The following CNTRL variants were observed in gnomAD, a reference collection of about 807,000 sequenced individuals.
The protein encoded by CNTRL is 110 kDa centrosomal protein.
In CNTRL, 233 loss-of-function variants were observed where a neutral mutation model predicts 303.7. That is an observed-to-expected ratio of 0.77 (90% CI 0.69 to 0.86). The LOEUF (loss-of-function observed/expected upper bound fraction) is 0.86, where lower values mean the gene tolerates loss of function less well. CNTRL is among the 40% of genes least tolerant of loss of function. The pLI is 0.00. For synonymous variants in CNTRL, 900 were observed against 922.2 expected, an observed-to-expected ratio of 0.98 and a Z score of 0.44; for missense variants, 2,524 against 2,650.6, an observed-to-expected ratio of 0.95 and a Z score of 1.05.
rs975885716 is a variant in CNTRL at position 121,142,274 on chromosome 9, G to C, written c.2871+4G>C. 6 of 1,591,204 alleles carry C rather than the reference G, an allele frequency of 3.8e-6. No homozygotes were observed. The African/African-American group carries it at 6.8e-5, about 18-fold the overall frequency. Reference sequence around the variant, plus strand: ...ACTCCGAGAGTTAGAGAAAAAGGTAGGGGAGACTTAGAAAATGAGACACAT... The same window carrying C: ...ACTCCGAGAGTTAGAGAAAAAGGTACGGGAGACTTAGAAAATGAGACACAT... On this transcript the variant is annotated splice_donor_region_variant and intron_variant, in intron 19 of 43. Transcript: ENST00000373855.
At chr9:121,134,229 C>T (rs1344305572) in intron 14 of CNTRL, among the ~76,000 whole-genome samples, 6 of 151,904 alleles carry the variant, frequency 3.9e-5, no homozygotes, top group South Asian at 4.1e-4. Flanking sequence ...TGCATCACTA[C>T]GATATCATTA....
chr9:121,135,606 A>G (rs1436257306), intron 14 of CNTRL, among the ~76,000 whole-genome samples, 200 bp from the exon 15 acceptor site: 1 of 152,142 alleles, frequency 6.6e-6, no homozygotes, highest in Non-Finnish European at 1.5e-5. Flanking sequence ...GACTTTCTTG[A>G]TTACATTTAG....
chr9:121,082,711 C>T (rs2048186868), intron 2 of CNTRL, among the ~76,000 whole-genome samples: 1 of 152,152 alleles, frequency 6.6e-6, no homozygotes, highest in South Asian at 2.1e-4. Context: ...GTGGCTCACA[C>T]TTGTAATCCC....
intron 1 of CNTRL, among the ~76,000 whole-genome samples, chr9:121,079,059 CCT>C (rs1384803317): frequency 6.6e-6 from 1 of 152,148 alleles, no homozygotes; most frequent in African/African-American, 2.4e-5. Context: ...CAGCCACGAT[CCT>C]GAAGCTGCCT....
At chr9:121,134,497 A>G (rs2051068987) in intron 14 of CNTRL, among the ~76,000 whole-genome samples, 1 of 152,048 alleles carries the variant, frequency 6.6e-6, no homozygotes, top group African/African-American at 2.4e-5. Flanking sequence ...AGGTTTCACC[A>G]TGTTGGCCAG....
intron 32 of CNTRL, among the ~76,000 whole-genome samples, chr9:121,160,903 C>T (rs1017921285): frequency 1.3e-5 from 2 of 152,158 alleles, no homozygotes; most frequent in Admixed American, 1.3e-4. Flanking sequence ...CCCTTGAGCT[C>T]AGGAGATCAA....
At chr9:121,103,208 C>A (rs548076565) in intron 7 of CNTRL, among the ~76,000 whole-genome samples, 1 of 152,082 alleles carries the variant, frequency 6.6e-6, no homozygotes, top group African/African-American at 2.4e-5. Context: ...GAGATATAGA[C>A]CAATGGAACA....
intron 40 of CNTRL, 57 bp downstream of exon 40, chr9:121,171,605 A>G (rs768970229): frequency 6.4e-7 from 1 of 1,554,216 alleles, no homozygotes; most frequent in Non-Finnish European, 8.7e-7. Flanking sequence ...CACTGGGCTC[A>G]GGCAGATTGT....
intron 1 of CNTRL, 45 bp downstream of exon 1, chr9:121,075,112 G>A (rs904681251): frequency 1.7e-5 from 6 of 362,304 alleles, no homozygotes; most frequent in South Asian, 8.1e-5. Context: ...CATCCGGCCC[G>A]AGCAGTGGGG....
chr9:121,145,506 T>C (rs2051795081), intron 22 of CNTRL, 121 bp downstream of exon 22: 1 of 951,096 alleles, frequency 1.1e-6, no homozygotes. Context: ...AGAGCTGTGG[T>C]AATTAGCTTA....
At position 121,125,933 on chromosome 9, in the gene CNTRL, G is replaced by A. The variant is rs2050496182; in HGVS notation, c.2022G>A (p.Arg674=). 4 of 1,613,492 alleles carry A rather than the reference G, an allele frequency of 2.5e-6. No homozygotes were observed. In the African/African-American group the frequency reaches 5.3e-5, roughly 22 times the overall value. ...TTGCCATGGATGCAGAAAATATGAG[G>A]AAGGTATGATTTTTTTCCTGCCTAT... is the stretch of plus-strand genomic sequence containing the variant. ...EIVAMDAENM[R]KELAELESAL... is the part of the protein sequence containing the mutation. The change falls in exon 14 of 44, where the codon AGG becomes AGA. Residue 674 remains arginine (R), a synonymous_variant. Coordinates refer to ENST00000373855, the MANE Select transcript of CNTRL (RefSeq NM_007018.6).
At chr9:121,119,166 A>G (rs2050113821) in intron 12 of CNTRL, among the ~76,000 whole-genome samples, 1 of 151,944 alleles carries the variant, frequency 6.6e-6, no homozygotes, top group Admixed American at 6.6e-5. Context: ...GGCTTGAAGA[A>G]GGTAGCTTTC....
intron 8 of CNTRL, among the ~76,000 whole-genome samples, chr9:121,111,956 C>T (rs962759668): frequency 6.6e-6 from 1 of 152,136 alleles, no homozygotes; most frequent in Non-Finnish European, 1.5e-5. Context: ...AATACTACAG[C>T]AACAACAGTA....
intron 7 of CNTRL, among the ~76,000 whole-genome samples, 159 bp downstream of exon 7, chr9:121,098,731 G>A (rs2048996591): frequency 6.6e-6 from 1 of 152,112 alleles, no homozygotes; most frequent in South Asian, 2.1e-4. Context: ...AGTGTGTACT[G>A]TGCACCAGGC....
chr9:121,083,447 G>A (rs921595783), intron 2 of CNTRL, among the ~76,000 whole-genome samples: 7 of 152,124 alleles, frequency 4.6e-5, no homozygotes, highest in African/African-American at 1.7e-4. Context: ...GCCTGTAAGG[G>A]TCAGGATCAT....
intron 2 of CNTRL, among the ~76,000 whole-genome samples, chr9:121,083,577 AC>A: frequency 6.6e-6 from 1 of 152,198 alleles, no homozygotes; most frequent in Non-Finnish European, 1.5e-5. Flanking sequence ...TGAAGGACCT[AC>A]CTGCCTGAGT....
chr9:121,117,582 A>G (rs2050035472), intron 11 of CNTRL, among the ~76,000 whole-genome samples: 3 of 152,210 alleles, frequency 2.0e-5, no homozygotes, highest in South Asian at 4.1e-4. Flanking sequence ...AACTCCTAGT[A>G]TGACCTTGGG....
chr9:121,091,110 A>G (rs2048551756), intron 4 of CNTRL, among the ~76,000 whole-genome samples: 1 of 152,210 alleles, frequency 6.6e-6, no homozygotes, highest in South Asian at 2.1e-4. Flanking sequence ...CCCACAACAC[A>G]TGGGAATTCA....
intron 3 of CNTRL, among the ~76,000 whole-genome samples, chr9:121,089,613 G>A (rs2048478663): frequency 6.6e-6 from 1 of 152,062 alleles, no homozygotes; most frequent in Admixed American, 6.6e-5. Context: ...AAAAAAATAG[G>A]AAAAGAGGAT....
Sources: allele counts gnomAD v4.1 joint callset (sites outside exome capture counted in the v4.1 genomes callset), GRCh38; gene constraint gnomAD v4.1.1; transcripts MANE v1.5; gene names NCBI Gene and HGNC (gene_info 2026-07-23, HGNC 2026-07-21).